The following PRORP variants were observed in gnomAD, a reference collection of about 807,000 sequenced individuals.
The protein encoded by PRORP is mitochondrial ribonuclease P catalytic subunit.
Under a neutral mutation model 59.4 loss-of-function variants are expected in PRORP, and 51 were observed. The observed-to-expected ratio is 0.86, with a 90% CI of 0.69 to 1.08. PRORP has a LOEUF of 1.08. Among genes scored for constraint, PRORP ranks in the 50% least tolerant of loss-of-function variants. The pLI is 0.00. For synonymous variants in PRORP, 231 were observed against 245.6 expected, an observed-to-expected ratio of 0.94 and a Z score of 0.55; for missense variants, 646 against 690.3, an observed-to-expected ratio of 0.94 and a Z score of 0.72.
chr14:35,143,154 T>G (rs2047521622), intron 4 of PRORP, among the ~76,000 whole-genome samples: 1 of 146,094 alleles, frequency 6.8e-6, no homozygotes. Flanking sequence ...GAGCTTTTGT[T>G]TTTTGTTTTG....
At chr14:35,246,365 C>T (rs371251614) in intron 5 of PRORP, among the ~76,000 whole-genome samples, 3 of 152,156 alleles carry the variant, frequency 2.0e-5, no homozygotes, top group Admixed American at 6.6e-5. Flanking sequence ...CCAGCAAAAG[C>T]AATATGTAAC....
rs1192690130 is a variant in PRORP, at chr14:35,270,498, C to T, written c.1522C>T (p.Leu508=). 6.2e-7 allele frequency: 1 copy of T among 1,614,178 alleles called. No individual in the cohort carries two copies. Among genetic ancestry groups the T allele is most frequent in the Non-Finnish European group, 8.5e-7 (1 of 1,180,036 alleles). Reference sequence around the variant, plus strand: ...CCTGATGCGGGACCACAAGGCCTGTCTGCCTGATGCCAAGACCCAACGCCT... The same window carrying T: ...CCTGATGCGGGACCACAAGGCCTGTTTGCCTGATGCCAAGACCCAACGCCT... The part of the protein sequence containing the change: ...RDLMRDHKAC[L]PDAKTQRLFF... Residue 508 remains leucine, a synonymous_variant, in exon 7 of 8, where the codon CTG becomes TTG. Transcript: ENST00000534898.
chr14:35,226,807 T>A (rs1385141944), intron 5 of PRORP, among the ~76,000 whole-genome samples: 2 of 152,100 alleles, frequency 1.3e-5, no homozygotes, highest in Non-Finnish European at 2.9e-5. Context: ...CAATCATGGC[T>A]CACTGCAGCC....
chr14:35,191,993 C>A (rs1378512048), intron 5 of PRORP, among the ~76,000 whole-genome samples: 1 of 152,144 alleles, frequency 6.6e-6, no homozygotes. Context: ...CCATTAACAT[C>A]ATCTCTCACC....
At chr14:35,186,736 C>T (rs1566484927) in intron 5 of PRORP, among the ~76,000 whole-genome samples, 1 of 151,808 alleles carries the variant, frequency 6.6e-6, no homozygotes, top group Non-Finnish European at 1.5e-5. Context: ...GAACTGCAGG[C>T]ACACACCACC....
chr14:35,129,526 G>A (rs1434580190), intron 4 of PRORP, among the ~76,000 whole-genome samples: 2 of 150,564 alleles, frequency 1.3e-5, no homozygotes, highest in Non-Finnish European at 3.0e-5. Context: ...CCAGGCTAGA[G>A]TGCCGTGGTG....
intron 5 of PRORP, among the ~76,000 whole-genome samples, chr14:35,245,834 T>C (rs2050469444): frequency 6.6e-6 from 1 of 152,176 alleles, no homozygotes; most frequent in Non-Finnish European, 1.5e-5. Context: ...GAACTCCAAT[T>C]TCCTGTCTTC....
intron 2 of PRORP, among the ~76,000 whole-genome samples, chr14:35,126,520 G>A (rs1338375438): frequency 1.3e-5 from 2 of 152,110 alleles, no homozygotes; most frequent in African/African-American, 2.4e-5. Flanking sequence ...TTTGTTGGGA[G>A]GAGAACCACA....
intron 5 of PRORP, among the ~76,000 whole-genome samples, chr14:35,248,408 A>G (rs991937230): frequency 3.3e-5 from 5 of 152,232 alleles, no homozygotes; most frequent in Middle Eastern, 3.4e-3. Context: ...CTTACATACC[A>G]CCTGGTGAAA....
At chr14:35,208,607 C>T (rs1444710348) in intron 5 of PRORP, among the ~76,000 whole-genome samples, 1 of 152,188 alleles carries the variant, frequency 6.6e-6, no homozygotes, top group Admixed American at 6.5e-5. Context: ...TGGTGGCTCA[C>T]ACCTGTAATC....
chr14:35,271,705 G>A (rs549064349), intron 7 of PRORP, among the ~76,000 whole-genome samples: 26 of 152,214 alleles, frequency 1.7e-4, no homozygotes, highest in African/African-American at 5.5e-4. Context: ...ACACTGGCCC[G>A]TGGTATAATA....
chr14:35,221,772 C>G (rs17103104), intron 5 of PRORP, among the ~76,000 whole-genome samples: 18,419 of 152,170 alleles, frequency 0.12, 1,424 homozygotes, highest in Non-Finnish European at 0.17. Context: ...TATTCAAGAA[C>G]CATATTCTCT....
At chr14:35,181,956 T>C (rs1054774408) in intron 5 of PRORP, among the ~76,000 whole-genome samples, 1 of 151,978 alleles carries the variant, frequency 6.6e-6, no homozygotes, top group African/African-American at 2.4e-5. Flanking sequence ...TAAACACTGT[T>C]GAAAGACAAC....
chr14:35,245,900 G>T (rs1245738750), intron 5 of PRORP, among the ~76,000 whole-genome samples: 1 of 152,142 alleles, frequency 6.6e-6, no homozygotes, highest in Non-Finnish European at 1.5e-5. Flanking sequence ...TCTCAAAGAA[G>T]GGTACATAGG....
At position 35,133,296 on chromosome 14, in the gene PRORP, C is replaced by CG. The variant is rs1168274569; in HGVS notation, c.1167+5685_1167+5686insG. ...TGATCCCTTCTGCTGTTAAAGGACT[C>CG]TGATGCATTCTTCAGCATGCCAGTT... On this transcript the variant is annotated intron_variant, in intron 4 of 7. Coordinates refer to ENST00000534898, the MANE Select transcript of PRORP (RefSeq NM_014672.4). 2.0e-5 allele frequency among the ~76,000 whole-genome samples: 3 copies of CG among 152,284 alleles called. No homozygotes were observed. The East Asian group carries it at 5.8e-4, about 29-fold the overall frequency.
At position 35,276,870 on chromosome 14, in the gene PRORP, C is replaced by G. The variant is rs552997325; in HGVS notation, c.*3304C>G. 6.6e-6 allele frequency: 1 copy of G among 152,258 alleles called. No individual in the cohort carries two copies. The highest frequency in any genetic ancestry group is 2.1e-4 in the South Asian group (1 of 4,830). 9.4% of individuals were successfully genotyped at this position (152,258 alleles called of 1,614,324 possible). ...TTCTCAGACCCAGTGGAAAGAAAAT[C>G]TCAAGGAAGAAGGCTGAGTTTATTC... is the stretch of plus-strand genomic sequence containing the variant. On this transcript the variant is annotated 3_prime_UTR_variant, in exon 8 of 8. Coordinates refer to ENST00000534898, the MANE Select transcript of PRORP (RefSeq NM_014672.4).
chr14:35,122,075 C>T, upstream of PRORP: 1 of 1,088,610 alleles, frequency 9.2e-7, no homozygotes, highest in Non-Finnish European at 1.4e-6. Flanking sequence ...GTCCAACCAC[C>T]ATCTTGATCG....
At chr14:35,152,853 C>A (rs2047808425) in intron 4 of PRORP, among the ~76,000 whole-genome samples, 1 of 151,634 alleles carries the variant, frequency 6.6e-6, no homozygotes, top group Non-Finnish European at 1.5e-5. Flanking sequence ...CAGAGACTAT[C>A]CTCATTTCCT....
chr14:35,273,927 A>C lies in PRORP; in HGVS notation c.*361A>C, dbSNP rs2051260282. Reference sequence around the variant, plus strand: ...TTCCAGGCCTACCAATAGCAGAATCAATCCATCTGTCCCTGAGATACTCAT... The same window carrying C: ...TTCCAGGCCTACCAATAGCAGAATCCATCCATCTGTCCCTGAGATACTCAT... On this transcript the variant is annotated 3_prime_UTR_variant, in exon 8 of 8. Transcript: ENST00000534898. 1 of 172,678 alleles carries C rather than the reference A, an allele frequency of 5.8e-6. No homozygotes were observed. Among genetic ancestry groups the C allele is most frequent in the Admixed American group, 6.3e-5 (1 of 15,928 alleles). 10.7% of individuals were successfully genotyped at this position (172,678 alleles called of 1,614,324 possible).
Sources: gnomAD v4.1 joint callset for allele counts (sites outside exome capture counted in the v4.1 genomes callset) on GRCh38, gnomAD v4.1.1 for gene constraint, MANE v1.5 for transcripts, NCBI Gene and HGNC (gene_info 2026-07-23, HGNC 2026-07-21) for gene names.